Variants in CDKAL1 observed in about 807,000 individuals in gnomAD.
The protein encoded by CDKAL1 is threonylcarbamoyladenosine tRNA methylthiotransferase.
A neutral mutation model predicts 68.2 loss-of-function variants in CDKAL1; 32 were observed. The observed-to-expected ratio is 0.47, with a 90% CI of 0.35 to 0.63. CDKAL1 has a LOEUF of 0.63. Among genes scored for constraint, CDKAL1 ranks in the 30% least tolerant of loss-of-function variants. CDKAL1 has a pLI of 0.00. For synonymous variants in CDKAL1, 234 were observed against 244.3 expected, an observed-to-expected ratio of 0.96 and a Z score of 0.39; for missense variants, 606 against 696.7, an observed-to-expected ratio of 0.87 and a Z score of 1.47.
At chr6:21,079,976 C>CTGTGTGTGTGTG (rs764266426) in intron 12 of CDKAL1, among the ~76,000 whole-genome samples, 13,818 of 135,660 alleles carry the variant, frequency 0.1, 794 homozygotes, top group South Asian at 0.15. Flanking sequence ...AACTTTGTCT[C>CTGTGTGTGTGTG]TGTGTGTGTG....
At chr6:20,891,768 C>T (rs1460058251) in intron 9 of CDKAL1, among the ~76,000 whole-genome samples, 1 of 152,130 alleles carries the variant, frequency 6.6e-6, no homozygotes, top group Admixed American at 6.5e-5. Flanking sequence ...CTCTTGACCT[C>T]GTGATCCACC....
chr6:21,100,988 A>C (rs1773549648), intron 12 of CDKAL1, among the ~76,000 whole-genome samples: 1 of 152,204 alleles, frequency 6.6e-6, no homozygotes, highest in African/African-American at 2.4e-5. Flanking sequence ...TTTCAGAAGC[A>C]CTTACCAGGT....
chr6:20,767,766 T>C (rs1321660737), intron 7 of CDKAL1, among the ~76,000 whole-genome samples: 5 of 152,200 alleles, frequency 3.3e-5, no homozygotes, highest in Non-Finnish European at 7.3e-5. Context: ...TAATATTTGG[T>C]GATTGGCACA....
At chr6:20,560,524 A>G (rs1764226356) in intron 4 of CDKAL1, among the ~76,000 whole-genome samples, 1 of 152,182 alleles carries the variant, frequency 6.6e-6, no homozygotes, top group Non-Finnish European at 1.5e-5. Context: ...GAGGACAAAC[A>G]TTTGTTACCT....
intron 8 of CDKAL1, among the ~76,000 whole-genome samples, chr6:20,799,301 C>G (rs1404189304): frequency 2.0e-5 from 3 of 152,026 alleles, no homozygotes; most frequent in Admixed American, 6.6e-5. Flanking sequence ...TTCCACCCAC[C>G]TTGGCCTCCC....
intron 4 of CDKAL1, among the ~76,000 whole-genome samples, chr6:20,640,194 G>C (rs1263804316): frequency 6.6e-6 from 1 of 151,896 alleles, no homozygotes; most frequent in Non-Finnish European, 1.5e-5. Context: ...CATGCTTTTT[G>C]GGTTCAAGAC....
chr6:21,154,873 A>G (rs978921348), intron 13 of CDKAL1, among the ~76,000 whole-genome samples: 3 of 152,090 alleles, frequency 2.0e-5, no homozygotes, highest in Non-Finnish European at 2.9e-5. Flanking sequence ...CACACCTGTA[A>G]TGCCAGCTAC....
At chr6:20,725,431 A>G (rs1036184923) in intron 5 of CDKAL1, among the ~76,000 whole-genome samples, 5 of 152,212 alleles carry the variant, frequency 3.3e-5, no homozygotes, top group Admixed American at 2.6e-4. Context: ...TGAGGCGTAT[A>G]TGCAGTGGTC....
At chr6:20,976,887 G>A (rs56822104) in intron 10 of CDKAL1, among the ~76,000 whole-genome samples, 14,397 of 152,172 alleles carry the variant, frequency 0.095, 1,182 homozygotes, top group African/African-American at 0.23. Flanking sequence ...ATATATCACA[G>A]TTCACCCATT....
intron 5 of CDKAL1, among the ~76,000 whole-genome samples, chr6:20,738,575 A>G (rs1425610912): frequency 6.9e-6 from 1 of 145,958 alleles, no homozygotes; most frequent in African/African-American, 2.6e-5. Context: ...GGTGCTCACC[A>G]CAACCTTGAA....
chr6:20,557,941 ACAAACAAACACAT>A (rs1764123716), intron 4 of CDKAL1, among the ~76,000 whole-genome samples: 1 of 152,160 alleles, frequency 6.6e-6, no homozygotes, highest in Non-Finnish European at 1.5e-5. Context: ...AAACAAACAA[ACAAACAAACACAT>A]CAAACAAACA....
rs777020237 is a variant in CDKAL1, at chr6:20,781,121, T to C, written c.518-24T>C. 3 of 1,605,108 alleles carry C rather than the reference T, an allele frequency of 1.9e-6. No homozygotes were observed. In the Admixed American group the frequency reaches 5.2e-5, roughly 28 times the overall value. On this transcript the variant is annotated intron_variant, in intron 7 of 15. Transcript: ENST00000274695. Reference sequence around the variant, plus strand: ...GTGAAGTGTGTAACTCTTGCTAATGTATATTTATGTGCTTGATTTGAAGGT... The same window carrying C: ...GTGAAGTGTGTAACTCTTGCTAATGCATATTTATGTGCTTGATTTGAAGGT...
chr6:20,848,829 A>G (rs549561034), intron 9 of CDKAL1, among the ~76,000 whole-genome samples: 3 of 146,742 alleles, frequency 2.0e-5, no homozygotes, highest in South Asian at 2.2e-4. Flanking sequence ...CTCACACTGT[A>G]TCACCCAGGC....
intron 9 of CDKAL1, among the ~76,000 whole-genome samples, chr6:20,864,954 A>G (rs1759822452): frequency 6.6e-6 from 1 of 152,118 alleles, no homozygotes; most frequent in African/African-American, 2.4e-5. Context: ...CTGTGAGCAC[A>G]GGTGTGATTA....
intron 13 of CDKAL1, among the ~76,000 whole-genome samples, chr6:21,159,826 C>A (rs999431153): frequency 1.3e-5 from 2 of 152,182 alleles, no homozygotes; most frequent in African/African-American, 4.8e-5. Flanking sequence ...TTACTTCAGG[C>A]AGAGTTTGAG....
chr6:20,748,663 G>C (rs1043222071), intron 6 of CDKAL1, among the ~76,000 whole-genome samples: 2 of 144,666 alleles, frequency 1.4e-5, no homozygotes, highest in Admixed American at 1.4e-4. Context: ...GAACAGAATA[G>C]AGAGCCTAGA....
At chr6:20,637,341 T>C (rs1025443610) in intron 4 of CDKAL1, among the ~76,000 whole-genome samples, 2 of 151,966 alleles carry the variant, frequency 1.3e-5, no homozygotes, top group Admixed American at 6.6e-5. Flanking sequence ...GGCGGGAGGA[T>C]CACTTGAGGT....
At chr6:21,014,848 A>T (rs1422030101) in intron 11 of CDKAL1, among the ~76,000 whole-genome samples, 2 of 152,222 alleles carry the variant, frequency 1.3e-5, no homozygotes, top group East Asian at 3.8e-4. Context: ...GAAGATTATC[A>T]GCTGTCTGTG....
chr6:20,953,441 C>A (rs1764633856), intron 9 of CDKAL1, among the ~76,000 whole-genome samples: 1 of 152,120 alleles, frequency 6.6e-6, no homozygotes, highest in Admixed American at 6.5e-5. Flanking sequence ...TTAAAATATT[C>A]ATATTGTGTT....
Sources: gnomAD v4.1 joint callset for allele counts (sites outside exome capture counted in the v4.1 genomes callset) on GRCh38, gnomAD v4.1.1 for gene constraint, MANE v1.5 for transcripts, NCBI Gene and HGNC (gene_info 2026-07-23, HGNC 2026-07-21) for gene names.